STUM: variants seen among roughly 807,000 people sequenced by gnomAD.
The protein encoded by STUM is protein stum homolog.
A neutral mutation model predicts 15.3 loss-of-function variants in STUM; 8 were observed. That is an observed-to-expected ratio of 0.52 (90% CI 0.31 to 0.94). The LOEUF (loss-of-function observed/expected upper bound fraction) is 0.94, where lower values mean the gene tolerates loss of function less well. Ranked by LOEUF, STUM falls within the 40% of genes least tolerant of loss-of-function variation. STUM has a pLI of 0.05. For synonymous variants in STUM, 78 were observed against 88.7 expected (o/e 0.88, Z 0.68); for missense variants, 142 against 204.9 (o/e 0.69, Z 1.87).
In STUM at chr1:226,608,972, T is replaced by C. The variant is rs940523960; in HGVS notation, c.*6932T>C. ...AGCCTTCTGCCAGCTTTAAAACCCTTCACTCAAGCAGCATTACTGTACATG... is the reference window on the plus strand; with the variant it reads ...AGCCTTCTGCCAGCTTTAAAACCCTCCACTCAAGCAGCATTACTGTACATG... On this transcript the variant is annotated 3_prime_UTR_variant, in exon 4 of 4. Coordinates refer to ENST00000366788, the MANE Select transcript of STUM (RefSeq NM_001003665.4). This position sits in a 1 kb window ranked among gnomAD's most constrained non-coding sequence, Gnocchi z 4.0. 2.6e-5 allele frequency: 4 copies of C among 152,220 alleles called. No homozygotes were observed. 9.4% of individuals were successfully genotyped at this position (152,220 alleles called of 1,614,324 possible). A position where few individuals can be genotyped will look rare whatever the true frequency, so the allele number is the denominator to read the frequency against.
Position 226,572,788 on chromosome 1 carries a change from C to T in STUM, c.202+23682C>T, listed in dbSNP as rs563031801. On this transcript the variant is annotated intron_variant, in intron 1 of 3. Coordinates refer to ENST00000366788, the MANE Select transcript of STUM (RefSeq NM_001003665.4). ...GTCAGGGTCCGCGGTACTAGTTCTG[C>T]AGGAATGGCTTCCTTCTGTTTCACG... Among the ~76,000 whole-genome samples, 4 of 152,362 alleles carry T rather than the reference C, an allele frequency of 2.6e-5. No individual in the cohort carries two copies. The East Asian group carries it at 7.7e-4, about 29-fold the overall frequency.
At position 226,548,817 on chromosome 1, in the gene STUM, C is replaced by G. The variant is rs1347184106; in HGVS notation, c.-88C>G. On this transcript the variant is annotated 5_prime_UTR_variant, in exon 1 of 4. Coordinates refer to ENST00000366788, the MANE Select transcript of STUM (RefSeq NM_001003665.4). Reference sequence around the variant, plus strand: ...GGCCGCCTGAGCTCGGCGCGGAGCCCGGAGCCCGCAGCCGACAGTCTCCTG... The same window carrying G: ...GGCCGCCTGAGCTCGGCGCGGAGCCGGGAGCCCGCAGCCGACAGTCTCCTG... The G allele has an allele frequency of 6.3e-6, 7 of 1,113,340 alleles. No individual in the cohort carries two copies. The highest frequency in any genetic ancestry group is 1.6e-5 in the African/African-American group (1 of 61,024). The allele number at this position is 1,113,340 out of a possible 1,614,324, so 69.0% of individuals were successfully genotyped here.
At position 226,566,230 on chromosome 1, in the gene STUM, T is replaced by G. The variant is rs993239628; in HGVS notation, c.202+17124T>G. Among the ~76,000 whole-genome samples the G allele has an allele frequency of 2.7e-4, 41 of 152,370 alleles. 1 individual carries two copies. Among genetic ancestry groups the G allele is most frequent in the Admixed American group, 2.7e-3 (41 of 15,306 alleles). On this transcript the variant is annotated intron_variant, in intron 1 of 3. Transcript: ENST00000366788. ...AGAAGTCATCAAAATACGCCTATTA[T>G]GTTTTAAGTCTTTACAAAAGACACC...
At position 226,605,553 on chromosome 1, in the gene STUM, T is replaced by C. The variant is rs1302076505; in HGVS notation, c.*3513T>C. 6.6e-6 allele frequency: 1 copy of C among 152,094 alleles called. No homozygotes were observed. Among genetic ancestry groups the C allele is most frequent in the Non-Finnish European group, 1.5e-5 (1 of 68,004 alleles). The allele number at this position is 152,094 out of a possible 1,614,324, so 9.4% of individuals were successfully genotyped here. A position where few individuals can be genotyped will look rare whatever the true frequency, so the allele number is the denominator to read the frequency against. Reference sequence around the variant, plus strand: ...TGATACAATCCCACCTGTGTCTGGATTGTGTCACTAAACATGCAACATAAA... The same window carrying C: ...TGATACAATCCCACCTGTGTCTGGACTGTGTCACTAAACATGCAACATAAA... On this transcript the variant is annotated 3_prime_UTR_variant, in exon 4 of 4. Coordinates refer to ENST00000366788, the MANE Select transcript of STUM (RefSeq NM_001003665.4). The surrounding 1 kb of genome is among the most constrained non-coding windows in gnomAD (Gnocchi z 4.0).
Position 226,552,011 on chromosome 1 carries a change from C to T in STUM, c.202+2905C>T, listed in dbSNP as rs1185211027. On this transcript the variant is annotated intron_variant, in intron 1 of 3. Transcript: ENST00000366788. This position sits in a 1 kb window ranked among gnomAD's most constrained non-coding sequence, Gnocchi z 4.7. ...TTCTTTTTTTCTGGAAACTTCCTTC[C>T]CTGCAAGTCCTCTCCTGGATTGCAG... is the stretch of plus-strand genomic sequence containing the variant. Among the ~76,000 whole-genome samples, 2 of 152,160 alleles carry T rather than the reference C, an allele frequency of 1.3e-5. No homozygotes were observed.
intron 1 of STUM, among the ~76,000 whole-genome samples, chr1:226,571,137 A>G (rs1667704209): frequency 1.3e-5 from 2 of 152,168 alleles, no homozygotes; most frequent in Admixed American, 6.5e-5. Flanking sequence ...AGGCTGAGGC[A>G]GGAGATTTGC....
chr1:226,548,926 G>A lies in STUM; in HGVS notation c.22G>A (p.Ala8Thr). The change falls in exon 1 of 4, where the codon GCC (alanine) becomes ACC (threonine). Residue 8 changes from alanine to threonine, a missense_variant. By Grantham distance (58) the Ala-to-Thr change is moderately conservative (BLOSUM62 0). Around this residue, in one of 2 missense-constraint regions of STUM, gnomAD observed 113 missense variants for 134.4 expected, o/e 0.84. Transcript: ENST00000366788. MEPSHKDAETAAAAAAVA... is the reference protein window; with the variant it reads MEPSHKDTETAAAAAAVA... Reference sequence around the variant, plus strand: ...GGCCATGGAGCCCTCGCACAAAGACGCCGAGACGGCGGCGGCGGCGGCGGC... The same window carrying A: ...GGCCATGGAGCCCTCGCACAAAGACACCGAGACGGCGGCGGCGGCGGCGGC... 1 of 1,439,606 alleles carries A rather than the reference G, an allele frequency of 6.9e-7. No homozygotes were observed. Among genetic ancestry groups the A allele is most frequent in the Non-Finnish European group, 9.1e-7 (1 of 1,102,574 alleles). 89.2% of individuals were successfully genotyped at this position (1,439,606 alleles called of 1,614,324 possible).
chr1:226,579,606 C>T (rs1179981183), intron 1 of STUM, among the ~76,000 whole-genome samples: 1 of 151,452 alleles, frequency 6.6e-6, no homozygotes, highest in African/African-American at 2.4e-5. Flanking sequence ...ATCAGGGAGA[C>T]CAACTTGGGA....
chr1:226,566,164 A>G (rs796352761), intron 1 of STUM, among the ~76,000 whole-genome samples: 33 of 152,208 alleles, frequency 2.2e-4, no homozygotes, highest in African/African-American at 7.7e-4. Context: ...AAGAACCTCC[A>G]CTGTTTGAAA....
At chr1:226,554,546 C>G (rs548131619) in intron 1 of STUM, among the ~76,000 whole-genome samples, 1 of 152,078 alleles carries the variant, frequency 6.6e-6, no homozygotes, top group Non-Finnish European at 1.5e-5. Flanking sequence ...AGTAAAAGTG[C>G]GCTGAGGGGT....
intron 1 of STUM, among the ~76,000 whole-genome samples, chr1:226,577,373 C>G (rs958700697): frequency 6.6e-6 from 1 of 152,090 alleles, no homozygotes; most frequent in Non-Finnish European, 1.5e-5. Flanking sequence ...GAAATTGTAC[C>G]CAGAAATCTA....
chr1:226,577,950 C>T (rs146834755), intron 1 of STUM, among the ~76,000 whole-genome samples: 3 of 152,110 alleles, frequency 2.0e-5, no homozygotes, highest in African/African-American at 7.2e-5. Flanking sequence ...CCTGGCCTAC[C>T]CTTTTCTTTG....
intron 1 of STUM, among the ~76,000 whole-genome samples, chr1:226,582,984 A>G (rs1317114618): frequency 2.0e-5 from 3 of 152,226 alleles, no homozygotes; most frequent in Non-Finnish European, 2.9e-5. Flanking sequence ...TCTTTGGTCA[A>G]GCTGGGCTTG....
rs974223091 is a variant in STUM at position 226,600,569 on chromosome 1, G to C, written c.383-97G>C. 8 of 1,458,020 alleles carry C rather than the reference G, an allele frequency of 5.5e-6. No homozygotes were observed. The highest frequency in any genetic ancestry group is 7.6e-6 in the Non-Finnish European group (8 of 1,049,004). 90.3% of individuals were successfully genotyped at this position (1,458,020 alleles called of 1,614,324 possible). ...TCACCATGGATCTGCTTTGTTTCCT[G>C]TGCCAAGCGTTCCCTGTGGCTCTGT... On this transcript the variant is annotated intron_variant, in intron 2 of 3. Coordinates refer to ENST00000366788, the MANE Select transcript of STUM (RefSeq NM_001003665.4). This position sits in a 1 kb window ranked among gnomAD's most constrained non-coding sequence, Gnocchi z 5.2.
chr1:226,556,439 C>T (rs574919776), intron 1 of STUM, among the ~76,000 whole-genome samples: 2 of 152,260 alleles, frequency 1.3e-5, no homozygotes, highest in African/African-American at 2.4e-5. Context: ...GATGGGCCAT[C>T]GGGGCCCATT....
intron 1 of STUM, among the ~76,000 whole-genome samples, chr1:226,590,456 C>T (rs919720451): frequency 6.6e-6 from 1 of 152,096 alleles, no homozygotes; most frequent in Non-Finnish European, 1.5e-5. Flanking sequence ...GGGACGCCCT[C>T]CCCTAGCCAC....
chr1:226,591,654 G>GAGAT (rs1668087071), intron 1 of STUM, among the ~76,000 whole-genome samples: 1 of 152,108 alleles, frequency 6.6e-6, no homozygotes, highest in South Asian at 2.1e-4. Flanking sequence ...CTTTTGGCCA[G>GAGAT]AGATAGGCTT....
intron 1 of STUM, among the ~76,000 whole-genome samples, chr1:226,586,620 C>T (rs184838359): frequency 5.9e-5 from 9 of 152,296 alleles, no homozygotes; most frequent in African/African-American, 1.9e-4. Flanking sequence ...TGTAGGCTCT[C>T]ACTGCCTTTG....
intron 1 of STUM, among the ~76,000 whole-genome samples, chr1:226,582,037 C>T (rs1667925911): frequency 6.6e-6 from 1 of 152,240 alleles, no homozygotes; most frequent in South Asian, 2.1e-4. Flanking sequence ...CCAGCTCTCC[C>T]TCACTTAGTC....
Sources: allele counts gnomAD v4.1 joint callset (sites outside exome capture counted in the v4.1 genomes callset), GRCh38; gene constraint gnomAD v4.1.1; regional missense constraint gnomAD v4.1.1; non-coding constraint Gnocchi (gnomAD v3.1); transcripts MANE v1.5; gene names NCBI Gene and HGNC (gene_info 2026-07-23, HGNC 2026-07-21).